CSMD3: variants seen among roughly 807,000 people sequenced by gnomAD.
CSMD3 encodes the protein CUB and Sushi multiple domains 3, also known as CUB and sushi domain-containing protein 3.
A neutral mutation model predicts 435.2 loss-of-function variants in CSMD3; 177 were observed. The ratio of observed to expected loss-of-function variants is 0.41; its 90% CI spans 0.36 to 0.46. CSMD3 has a LOEUF of 0.46. Among genes scored for constraint, CSMD3 ranks in the 20% least tolerant of loss-of-function variants. The pLI is 0.34. For synonymous variants in CSMD3, 1,656 were observed against 1,520.5 expected (o/e 1.09, Z -2.07); for missense variants, 4,265 against 4,504.6 (o/e 0.95, Z 1.52).
chr8:113,092,006 A>G (rs561784496), intron 5 of CSMD3, among the ~76,000 whole-genome samples: 9 of 151,874 alleles, frequency 5.9e-5, no homozygotes, highest in Non-Finnish European at 1.3e-4. Flanking sequence ...TGTGGTATCT[A>G]TTTTTGGCAA....
At chr8:113,062,058 T>A (rs2131368691) in intron 5 of CSMD3, among the ~76,000 whole-genome samples, 1 of 151,932 alleles carries the variant, frequency 6.6e-6, no homozygotes, top group Admixed American at 6.6e-5. Flanking sequence ...ATTCTATTAC[T>A]TTTCTATTAT....
Position 112,311,142 on chromosome 8 carries a change from G to A in CSMD3, c.7721C>T (p.Ser2574Phe), listed in dbSNP as rs1821942885. The change falls in exon 50 of 71, where the codon TCC (serine) becomes TTC (phenylalanine). Residue 2574 changes from serine (S) to phenylalanine (F), a missense_variant. Physicochemically the swap from Ser to Phe is radical, Grantham distance 155. Coordinates refer to ENST00000297405, the MANE Select transcript of CSMD3 (RefSeq NM_198123.2). ...ACTGATAATATATCCATGAGGTGGG[G>A]ATTCTGGTGTACTACAGTAGAAAGC... ...YIAFYCSTPE[S>F]PPHGYIISQT... 6.2e-7 allele frequency: 1 copy of A among 1,613,654 alleles called. No individual in the cohort carries two copies. The highest frequency in any genetic ancestry group is 1.3e-5 in the African/African-American group (1 of 74,852).
chr8:113,424,346 A>T (rs867042582), intron 1 of CSMD3, among the ~76,000 whole-genome samples: 22 of 151,746 alleles, frequency 1.4e-4, no homozygotes, highest in African/African-American at 4.3e-4. Flanking sequence ...AACATAATGT[A>T]CTTATTGAAA....
chr8:112,907,438 C>T (rs898435041), intron 10 of CSMD3, among the ~76,000 whole-genome samples: 1 of 151,388 alleles, frequency 6.6e-6, no homozygotes, highest in Admixed American at 6.6e-5. Flanking sequence ...CCAGTTCCAG[C>T]ACATATAAAA....
intron 6 of CSMD3, among the ~76,000 whole-genome samples, chr8:113,004,350 T>C (rs1452087854): frequency 6.6e-6 from 1 of 152,006 alleles, no homozygotes; most frequent in African/African-American, 2.4e-5. Flanking sequence ...AAATACATTA[T>C]AAATTATACA....
chr8:113,295,841 T>C (rs2093716791), intron 2 of CSMD3, among the ~76,000 whole-genome samples: 1 of 152,162 alleles, frequency 6.6e-6, no homozygotes, highest in African/African-American at 2.4e-5. Context: ...TAAAGACACA[T>C]GCACATGTAT....
intron 1 of CSMD3, among the ~76,000 whole-genome samples, chr8:113,393,294 T>C (rs1044302354): frequency 2.6e-5 from 4 of 152,028 alleles, no homozygotes; most frequent in Non-Finnish European, 4.4e-5. Flanking sequence ...TGATCTCCTG[T>C]TTACTGCAAA....
chr8:112,616,920 A>T (rs1586815553), intron 22 of CSMD3, among the ~76,000 whole-genome samples: 1 of 152,296 alleles, frequency 6.6e-6, no homozygotes. Context: ...AAATGTGTAA[A>T]GTCCTGTGTT....
intron 32 of CSMD3, among the ~76,000 whole-genome samples, chr8:112,429,706 T>TCA (rs1813455606): frequency 1.3e-5 from 2 of 151,994 alleles, no homozygotes; most frequent in African/African-American, 4.8e-5. Context: ...TAGCCTAAAG[T>TCA]CACATTGAAC....
chr8:113,139,283 T>G (rs544920070), intron 4 of CSMD3, among the ~76,000 whole-genome samples: 2 of 150,840 alleles, frequency 1.3e-5, no homozygotes, highest in Non-Finnish European at 3.0e-5. Flanking sequence ...TTAATAAATA[T>G]AAGAGATTTT....
chr8:112,429,284 T>C (rs1813409957), intron 32 of CSMD3, among the ~76,000 whole-genome samples: 1 of 152,016 alleles, frequency 6.6e-6, no homozygotes, highest in African/African-American at 2.4e-5. Flanking sequence ...ATATGACAGA[T>C]CATACAATAT....
At chr8:113,369,051 T>G (rs967162812) in intron 1 of CSMD3, among the ~76,000 whole-genome samples, 1 of 152,036 alleles carries the variant, frequency 6.6e-6, no homozygotes, top group Non-Finnish European at 1.5e-5. Context: ...TGCTTAATGG[T>G]GGCAAGTGAG....
At chr8:112,968,346 ATAT>A (rs906759335) in intron 7 of CSMD3, among the ~76,000 whole-genome samples, 16 of 151,896 alleles carry the variant, frequency 1.1e-4, no homozygotes, top group African/African-American at 3.6e-4. Flanking sequence ...AGTGGCAATC[ATAT>A]TATTAAGATA....
chr8:112,799,406 A>T (rs1296074135), intron 13 of CSMD3, among the ~76,000 whole-genome samples: 2 of 151,994 alleles, frequency 1.3e-5, no homozygotes, highest in Non-Finnish European at 2.9e-5. Flanking sequence ...CCACAATAGT[A>T]ATGATAATTC....
chr8:113,270,025 C>A (rs1428965866), intron 3 of CSMD3, among the ~76,000 whole-genome samples: 1 of 151,314 alleles, frequency 6.6e-6, no homozygotes, highest in Non-Finnish European at 1.5e-5. Context: ...AGTGAACAGG[C>A]AACCTACAGA....
intron 1 of CSMD3, among the ~76,000 whole-genome samples, chr8:113,386,951 T>G (rs534842994): frequency 6.6e-6 from 1 of 151,926 alleles, no homozygotes; most frequent in Non-Finnish European, 1.5e-5. Context: ...AATGGCAATA[T>G]AAAGCATATA....
At chr8:113,247,927 G>A (rs540713795) in intron 3 of CSMD3, among the ~76,000 whole-genome samples, 5 of 151,966 alleles carry the variant, frequency 3.3e-5, no homozygotes, top group Admixed American at 6.6e-5. Context: ...TGGAGTTTTC[G>A]TGAGCTAGGT....
chr8:112,882,047 T>C (rs1266882875), intron 10 of CSMD3, among the ~76,000 whole-genome samples: 10 of 151,880 alleles, frequency 6.6e-5, no homozygotes, highest in Non-Finnish European at 1.5e-4. Context: ...ATGGTATAAT[T>C]ATATCAATCT....
At chr8:112,924,950 G>A (rs577210340) in intron 9 of CSMD3, among the ~76,000 whole-genome samples, 11 of 152,210 alleles carry the variant, frequency 7.2e-5, no homozygotes, top group African/African-American at 2.4e-4. Context: ...TTAAAATGAA[G>A]TCCTCATAGT....
Sources: allele counts gnomAD v4.1 joint callset (sites outside exome capture counted in the v4.1 genomes callset), GRCh38; gene constraint gnomAD v4.1.1; transcripts MANE v1.5; gene names NCBI Gene and HGNC (gene_info 2026-07-23, HGNC 2026-07-21).